The following GLRA3 variants were observed in gnomAD, a reference collection of about 807,000 sequenced individuals.
GLRA3 encodes the protein glycine receptor subunit alpha-3.
Under a neutral mutation model 60.4 loss-of-function variants are expected in GLRA3, and 44 were observed. That is an observed-to-expected ratio of 0.73 (90% CI 0.57 to 0.94). The LOEUF is 0.94. GLRA3 is among the 40% of genes least tolerant of loss of function. GLRA3 has a pLI of 0.00. For missense variants in GLRA3, 508 were observed against 564.6 expected (o/e 0.90, Z 1.02); for synonymous variants, 223 against 192.9 (o/e 1.16, Z -1.29).
At chr4:174,659,896 CA>C (rs1157763068) in intron 7 of GLRA3, among the ~76,000 whole-genome samples, 44 of 149,766 alleles carry the variant, frequency 2.9e-4, no homozygotes, top group Non-Finnish European at 1.8e-4. Context: ...CGCTTGAACC[CA>C]GGGGGCAGAG....
intron 1 of GLRA3, among the ~76,000 whole-genome samples, chr4:174,817,349 C>T (rs1277821746): frequency 6.6e-6 from 1 of 152,210 alleles, no homozygotes; most frequent in Non-Finnish European, 1.5e-5. Context: ...TGGCAACCTC[C>T]ATTCCAGCCT....
At chr4:174,658,126 C>T (rs916940705) in intron 8 of GLRA3, among the ~76,000 whole-genome samples, 42 of 152,204 alleles carry the variant, frequency 2.8e-4, no homozygotes, top group Non-Finnish European at 1.2e-4. Context: ...AAAATGCACA[C>T]TATGTGAACT....
intron 9 of GLRA3, among the ~76,000 whole-genome samples, chr4:174,645,012 A>G (rs1361467959): frequency 6.6e-6 from 1 of 152,050 alleles, no homozygotes; most frequent in African/African-American, 2.4e-5. Context: ...TTTGGCTACT[A>G]AATTGAAGGT....
chr4:174,824,894 G>A (rs1459556361), intron 1 of GLRA3, among the ~76,000 whole-genome samples: 1 of 152,088 alleles, frequency 6.6e-6, no homozygotes, highest in East Asian at 1.9e-4. Flanking sequence ...ATTGTGCTTA[G>A]CACAATTTGT....
chr4:174,714,932 C>G (rs1343347775), intron 5 of GLRA3, among the ~76,000 whole-genome samples: 1 of 152,146 alleles, frequency 6.6e-6, no homozygotes, highest in Non-Finnish European at 1.5e-5. Flanking sequence ...AAGTGTGAGA[C>G]ATTTTTTCTT....
chr4:174,723,412 GTTC>G (rs1736203510), intron 4 of GLRA3, among the ~76,000 whole-genome samples: 1 of 151,938 alleles, frequency 6.6e-6, no homozygotes, highest in South Asian at 2.1e-4. Flanking sequence ...ATTCTATTTT[GTTC>G]AATGATCAGG....
At chr4:174,826,777 C>A (rs1280840697) in intron 1 of GLRA3, among the ~76,000 whole-genome samples, 1 of 151,508 alleles carries the variant, frequency 6.6e-6, no homozygotes, top group African/African-American at 2.4e-5. Flanking sequence ...TTTCTTGTTT[C>A]CTTTGTGCTC....
chr4:174,690,856 C>T (rs1734768404), intron 5 of GLRA3, among the ~76,000 whole-genome samples: 1 of 152,164 alleles, frequency 6.6e-6, no homozygotes, highest in South Asian at 2.1e-4. Flanking sequence ...TTTTTTATGG[C>T]TGCATAGTAT....
At position 174,783,118 on chromosome 4, in the gene GLRA3, G is replaced by A. The variant is rs571549255; in HGVS notation, c.199+5698C>T. On this transcript the variant is annotated intron_variant, in intron 2 of 9. Transcript: ENST00000274093. ...ACAGCATGGTACTGGTACCAAAACAGAGATATAGATCAATGGAACAGAACA... is the reference window on the plus strand; with the variant it reads ...ACAGCATGGTACTGGTACCAAAACAAAGATATAGATCAATGGAACAGAACA... Among the ~76,000 whole-genome samples the A allele has an allele frequency of 2.6e-5, 4 of 152,218 alleles. No homozygotes were observed. In the South Asian group the frequency reaches 8.3e-4, roughly 32 times the overall value.
chr4:174,749,325 G>A (rs182868522), intron 3 of GLRA3, among the ~76,000 whole-genome samples: 5 of 152,206 alleles, frequency 3.3e-5, no homozygotes, highest in East Asian at 3.9e-4. Context: ...TCTGTGAGGT[G>A]GCTGGCATGG....
intron 7 of GLRA3, among the ~76,000 whole-genome samples, chr4:174,674,795 G>C (rs1002369917): frequency 6.6e-6 from 1 of 152,132 alleles, no homozygotes; most frequent in Non-Finnish European, 1.5e-5. Context: ...ACTTCTGAGG[G>C]TTCTTTTGTG....
At position 174,767,011 on chromosome 4, in the gene GLRA3, T is replaced by C. The variant is rs980386977; in HGVS notation, c.219A>G (p.Thr73=). 2.5e-6 allele frequency: 4 copies of C among 1,600,332 alleles called. No homozygotes were observed. Among genetic ancestry groups the C allele is most frequent in the African/African-American group, 1.3e-5 (1 of 74,640 alleles). Residue 73 remains threonine (T), a synonymous_variant, in exon 3 of 10, where the codon ACA becomes ACG. Transcript: ENST00000274093. ...CAAAGCTGTTGATGAATATGTTGCA[T>C]GTGACATTAACTGGAGGGCCTGAAA... ...PNFKGPPVNV[T]CNIFINSFGS... is the part of the protein sequence containing the mutation.
chr4:174,739,237 G>A (rs994610171), intron 3 of GLRA3, among the ~76,000 whole-genome samples: 6 of 152,184 alleles, frequency 3.9e-5, no homozygotes, highest in Admixed American at 1.3e-4. Flanking sequence ...TGAAGAGATT[G>A]TTGTGATGGT....
intron 9 of GLRA3, among the ~76,000 whole-genome samples, chr4:174,652,076 C>CTTA (rs1010454324): frequency 1.3e-5 from 2 of 151,672 alleles, no homozygotes; most frequent in African/African-American, 4.8e-5. Context: ...TTTCTATCAG[C>CTTA]TTATTATTAT....
At chr4:174,800,350 T>A (rs1277238385) in intron 1 of GLRA3, among the ~76,000 whole-genome samples, 3 of 152,166 alleles carry the variant, frequency 2.0e-5, no homozygotes, top group Admixed American at 6.5e-5. Context: ...TTAATTTTTG[T>A]AATTAATAGA....
chr4:174,674,358 T>C (rs1734031219), intron 7 of GLRA3, among the ~76,000 whole-genome samples: 1 of 152,142 alleles, frequency 6.6e-6, no homozygotes, highest in Non-Finnish European at 1.5e-5. Context: ...ATCACCTTCT[T>C]ATGGCCACCT....
Position 174,637,072 on chromosome 4 carries a change from G to A in GLRA3, c.*6714C>T, listed in dbSNP as rs934472311. The A allele has an allele frequency of 6.6e-6, 1 of 152,114 alleles. No individual in the cohort carries two copies. The highest frequency in any genetic ancestry group is 2.1e-4 in the South Asian group (1 of 4,826). The allele number at this position is 152,114 out of a possible 1,614,324, so 9.4% of individuals were successfully genotyped here. On this transcript the variant is annotated 3_prime_UTR_variant, in exon 10 of 10. Coordinates refer to ENST00000274093, the MANE Select transcript of GLRA3 (RefSeq NM_006529.4). ...ATAATATAATGAAAAACAAGTTGAT[G>A]AAATCGTGCATAAATTTTTAAATAT... is the stretch of plus-strand genomic sequence containing the variant.
chr4:174,685,966 G>T (rs1189857777), intron 5 of GLRA3, among the ~76,000 whole-genome samples: 1 of 152,186 alleles, frequency 6.6e-6, no homozygotes, highest in African/African-American at 2.4e-5. Context: ...CTAGCTTTAT[G>T]AAATTCCTTC....
chr4:174,726,152 C>T (rs569585952), intron 4 of GLRA3, among the ~76,000 whole-genome samples: 4 of 152,254 alleles, frequency 2.6e-5, no homozygotes, highest in African/African-American at 9.6e-5. Flanking sequence ...TATTGACTGT[C>T]CACTAAGTCT....
Sources: allele counts gnomAD v4.1 joint callset (sites outside exome capture counted in the v4.1 genomes callset), GRCh38; gene constraint gnomAD v4.1.1; transcripts MANE v1.5; gene names NCBI Gene and HGNC (gene_info 2026-07-23, HGNC 2026-07-21).